Variants in RGS16 observed in about 807,000 individuals in gnomAD.
The protein encoded by RGS16 is hRGS-r.
Under a neutral mutation model 18.1 loss-of-function variants are expected in RGS16, and 12 were observed. That is an observed-to-expected ratio of 0.66 (90% CI 0.42 to 1.07). The LOEUF (loss-of-function observed/expected upper bound fraction) is 1.07, where lower values mean the gene tolerates loss of function less well. RGS16 is among the 50% of genes least tolerant of loss of function. The pLI is 0.00. For synonymous variants in RGS16, 88 were observed against 102.0 expected (o/e 0.86, Z 0.83); for missense variants, 238 against 249.2 (o/e 0.95, Z 0.30).
rs752860570 is a variant in RGS16, at chr1:182,603,297, T to A, written c.87A>T (p.Lys29Asn). ...TCCCAGTATCGCAGCCCAGCTCTGA[T>A]TTGTGAAGAAAGATCCCCAGACGTG... ...FKTRLGIFLHKSELGCDTGST... is the reference protein window; with the variant it reads ...FKTRLGIFLHNSELGCDTGST... Residue 29 changes from lysine (K) to asparagine (N), a missense_variant, in exon 2 of 5, where the codon AAA becomes AAT. Physicochemically the swap from Lys to Asn is moderately conservative, Grantham distance 94. Transcript: ENST00000367558. 3 of 1,614,038 alleles carry A rather than the reference T, an allele frequency of 1.9e-6. No individual in the cohort carries two copies. The African/African-American group carries it at 4.0e-5, about 22-fold the overall frequency.
Position 182,600,227 on chromosome 1 carries a change from C to A in RGS16, c.*65G>T. 1 of 1,274,562 alleles carries A rather than the reference C, an allele frequency of 7.8e-7. No individual in the cohort carries two copies. Among genetic ancestry groups the A allele is most frequent in the South Asian group, 1.2e-5 (1 of 83,998 alleles). The allele number at this position is 1,274,562 out of a possible 1,614,324, so 79.0% of individuals were successfully genotyped here. On this transcript the variant is annotated 3_prime_UTR_variant, in exon 5 of 5. Coordinates refer to ENST00000367558, the MANE Select transcript of RGS16 (RefSeq NM_002928.4). ...GCAGAACCTGCCTCCCACACAGGGG[C>A]AGCCACCTCGGGGATGGGTGACTCA...
chr1:182,604,092 T>C (rs509476), intron 1 of RGS16, 124 bp downstream of exon 1: 930,656 of 951,246 alleles, frequency 0.98, 455,333 homozygotes, highest in East Asian at 1. Flanking sequence ...TCAAGTGCGC[T>C]TCTACCTCTC....
chr1:182,599,494 GC>G lies in RGS16; in HGVS notation c.*797del, dbSNP rs1181693246. ...TCAGAGAGGGCACATCCAGGAAGAGGCCCCAGGGCGGGCCTGCTCACAGGTG... is the reference window on the plus strand; with the variant it reads ...TCAGAGAGGGCACATCCAGGAAGAGGCCCAGGGCGGGCCTGCTCACAGGTG... On this transcript the variant is annotated 3_prime_UTR_variant, in exon 5 of 5. Coordinates refer to ENST00000367558, the MANE Select transcript of RGS16 (RefSeq NM_002928.4). The G allele has an allele frequency of 6.6e-6, 1 of 152,534 alleles. No individual in the cohort carries two copies. The highest frequency in any genetic ancestry group is 2.4e-5 in the African/African-American group (1 of 41,440). The allele number at this position is 152,534 out of a possible 1,614,324, so 9.4% of individuals were successfully genotyped here. A position where few individuals can be genotyped will look rare whatever the true frequency, so the allele number is the denominator to read the frequency against.
intron 2 of RGS16, among the ~76,000 whole-genome samples, chr1:182,602,989 T>C (rs1661892011): frequency 6.6e-6 from 1 of 152,190 alleles, no homozygotes; most frequent in African/African-American, 2.4e-5. Context: ...GTCTGGGAAC[T>C]AGGCATTCAT....
Position 182,600,191 on chromosome 1 carries a change from GC to G in RGS16, c.*100del. On this transcript the variant is annotated 3_prime_UTR_variant, in exon 5 of 5. Transcript: ENST00000367558. ...TTTTTTTTTTTTTTTTTGTCCTCTT[GC>G]ACTTGCTTTGCAGAACCTGCCTCCC... 1 of 293,786 alleles carries G rather than the reference GC, an allele frequency of 3.4e-6. No individual in the cohort carries two copies. The highest frequency in any genetic ancestry group is 5.9e-6 in the Non-Finnish European group (1 of 168,306). The allele number at this position is 293,786 out of a possible 1,614,324, so 18.2% of individuals were successfully genotyped here. A position where few individuals can be genotyped will look rare whatever the true frequency, so the allele number is the denominator to read the frequency against.
rs1280728285 is a variant in RGS16 at position 182,599,641 on chromosome 1, T to C, written c.*651A>G. 1 of 153,062 alleles carries C rather than the reference T, an allele frequency of 6.5e-6. No individual in the cohort carries two copies. The highest frequency in any genetic ancestry group is 1.5e-5 in the Non-Finnish European group (1 of 68,474). 9.5% of individuals were successfully genotyped at this position (153,062 alleles called of 1,614,324 possible). ...GACTTGGAAAGGGCTCACAGGCCAG[T>C]GTTTGAGGTATAAATATCTCGCATG... is the stretch of plus-strand genomic sequence containing the variant. On this transcript the variant is annotated 3_prime_UTR_variant, in exon 5 of 5. Coordinates refer to ENST00000367558, the MANE Select transcript of RGS16 (RefSeq NM_002928.4).
At chr1:182,603,480 A>G (rs1277094951) in intron 1 of RGS16, 141 bp from the exon 2 acceptor site, 3 of 640,702 alleles carry the variant, frequency 4.7e-6, no homozygotes, top group Non-Finnish European at 5.5e-6. Context: ...GGCTGTCCCC[A>G]GGCCAAGAGT....
rs200034322 is a variant in RGS16 at position 182,602,010 on chromosome 1, G to A, written c.343C>T (p.His115Tyr). The part of the protein sequence containing the change: ...RSATKLASRA[H>Y]QIFEEFICSE... ...CAAATGAACTCCTCAAAGATCTGGTGTGCCCTGGAGGCCAGCTTGGTAGCT... is the reference window on the plus strand; with the variant it reads ...CAAATGAACTCCTCAAAGATCTGGTATGCCCTGGAGGCCAGCTTGGTAGCT... The change falls in exon 4 of 5, where the codon CAC becomes TAC. Residue 115 changes from histidine (H) to tyrosine (Y), a missense_variant. Physicochemically the swap from His to Tyr is moderately conservative, Grantham distance 83. Coordinates refer to ENST00000367558, the MANE Select transcript of RGS16 (RefSeq NM_002928.4). The A allele has an allele frequency of 5.6e-6, 9 of 1,614,162 alleles. No homozygotes were observed. In the East Asian group the frequency reaches 1.6e-4, roughly 28 times the overall value.
At chr1:182,600,968 G>A (rs1661854486) in intron 4 of RGS16, among the ~76,000 whole-genome samples, 2 of 152,126 alleles carry the variant, frequency 1.3e-5, no homozygotes, top group South Asian at 4.1e-4. Context: ...AGAGCCAAAG[G>A]GCTTGCTGGG....
At chr1:182,604,118 C>A in intron 1 of RGS16, 98 bp downstream of exon 1, 1 of 1,255,328 alleles carries the variant, frequency 8.0e-7, no homozygotes, top group Non-Finnish European at 1.1e-6. Context: ...AAGCCTCTAG[C>A]GCCCCATCCC....
At chr1:182,602,741 G>A (rs928519571) in intron 2 of RGS16, among the ~76,000 whole-genome samples, 13 of 152,184 alleles carry the variant, frequency 8.5e-5, no homozygotes, top group South Asian at 2.1e-4. Context: ...AGCCTGTCTC[G>A]TCTCTGTCCA....
At chr1:182,602,595 G>A in intron 2 of RGS16, 111 bp from the exon 3 acceptor site, 2 of 915,434 alleles carry the variant, frequency 2.2e-6, no homozygotes, top group Non-Finnish European at 3.4e-6. Context: ...TCACAGAAAG[G>A]CTTGCTTGGT....
rs768634171 is a variant in RGS16 at position 182,600,538 on chromosome 1, G to A, written c.388-25C>T. The A allele has an allele frequency of 6.2e-6, 10 of 1,603,818 alleles. No individual in the cohort carries two copies. In the East Asian group the frequency reaches 1.8e-4, roughly 29 times the overall value. On this transcript the variant is annotated intron_variant, in intron 4 of 4. Transcript: ENST00000367558. The stretch of plus-strand genomic sequence containing the variant: ...CCTGCGGGAAGGAGGACACACACAG[G>A]GTGAGTTGGGGAAGAGGGTGGGCAT...
Position 182,600,482 on chromosome 1 carries a change from G to A in RGS16, c.419C>T (p.Thr140Met), listed in dbSNP as rs376142721. 175 of 1,613,854 alleles carry A rather than the reference G, an allele frequency of 1.1e-4. No individual in the cohort carries two copies. The highest frequency in any genetic ancestry group is 7.8e-4 in the East Asian group (35 of 44,876). Reference sequence around the variant, plus strand: ...TGTGGCAGTCTGCAGGTTCATCCTCGTCAGCTCGTGGGTCTCATGGTCAAT... The same window carrying A: ...TGTGGCAGTCTGCAGGTTCATCCTCATCAGCTCGTGGGTCTCATGGTCAAT... Reference protein sequence around the residue: ...VNIDHETHELTRMNLQTATAT... With the variant: ...VNIDHETHELMRMNLQTATAT... Residue 140 changes from threonine (T) to methionine (M), a missense_variant, in exon 5 of 5, where the codon ACG (threonine) becomes ATG (methionine). Physicochemically the swap from Thr to Met is moderately conservative, Grantham distance 81. Transcript: ENST00000367558.
chr1:182,601,438 T>C (rs990392394), intron 4 of RGS16, among the ~76,000 whole-genome samples: 1 of 152,208 alleles, frequency 6.6e-6, no homozygotes, highest in African/African-American at 2.4e-5. Flanking sequence ...TACAGAATTA[T>C]GTGGAATCAA....
At position 182,600,289 on chromosome 1, in the gene RGS16, GAC is replaced by G; in HGVS notation, c.*1_*2del. The G allele has an allele frequency of 6.2e-7, 1 of 1,612,558 alleles. No individual in the cohort carries two copies. Among genetic ancestry groups the G allele is most frequent in the Non-Finnish European group, 8.5e-7 (1 of 1,179,576 alleles). ...CGGCTGGCTTCCTCACTGCCGTGGA[GAC>G]TCAGGTGTGTGAGGGCTCGTCCAGG... is the stretch of plus-strand genomic sequence containing the variant. On this transcript the variant is annotated 3_prime_UTR_variant, in exon 5 of 5. Coordinates refer to ENST00000367558, the MANE Select transcript of RGS16 (RefSeq NM_002928.4).
intron 3 of RGS16, 86 bp downstream of exon 3, chr1:182,602,334 A>C: frequency 8.1e-7 from 1 of 1,231,084 alleles, no homozygotes; most frequent in African/African-American, 1.5e-5. Context: ...TATTCTGCCC[A>C]GGCTCTCAGC....
intron 1 of RGS16, 65 bp downstream of exon 1, chr1:182,604,151 C>T: frequency 6.5e-7 from 1 of 1,532,992 alleles, no homozygotes; most frequent in South Asian, 1.2e-5. Flanking sequence ...GGTCCCCAGG[C>T]CTGCCGCTCC....
rs1287093988 is a variant in RGS16, at chr1:182,600,228, A to C, written c.*64T>G. On this transcript the variant is annotated 3_prime_UTR_variant, in exon 5 of 5. Transcript: ENST00000367558. ...CAGAACCTGCCTCCCACACAGGGGC[A>C]GCCACCTCGGGGATGGGTGACTCAA... is the stretch of plus-strand genomic sequence containing the variant. 8.8e-7 allele frequency: 1 copy of C among 1,137,456 alleles called. No individual in the cohort carries two copies. The highest frequency in any genetic ancestry group is 1.8e-5 in the African/African-American group (1 of 55,880). 70.5% of individuals were successfully genotyped at this position (1,137,456 alleles called of 1,614,324 possible).
Sources: gnomAD v4.1 joint callset for allele counts (sites outside exome capture counted in the v4.1 genomes callset) on GRCh38, gnomAD v4.1.1 for gene constraint, MANE v1.5 for transcripts, NCBI Gene and HGNC (gene_info 2026-07-23, HGNC 2026-07-21) for gene names.